SF3A1: variants seen among roughly 807,000 people sequenced by gnomAD.
SF3A1 encodes the protein SAP 114.
In SF3A1, 13 loss-of-function variants were observed where a neutral mutation model predicts 89.9. The ratio of observed to expected loss-of-function variants is 0.14; its 90% CI spans 0.09 to 0.23. The LOEUF is 0.23. SF3A1 is among the 10% of genes least tolerant of loss of function. The pLI, the probability that SF3A1 is intolerant of heterozygous loss-of-function variation, is 1.00. For missense variants in SF3A1, 604 were observed against 1,022.1 expected (o/e 0.59, Z 5.58); for synonymous variants, 405 against 374.4 (o/e 1.08, Z -0.94).
At position 30,347,804 on chromosome 22, in the gene SF3A1, G is replaced by C. The variant is rs529645454; in HGVS notation, c.186-1285C>G. 2.6e-5 allele frequency among the ~76,000 whole-genome samples: 4 copies of C among 152,306 alleles called. No individual in the cohort carries two copies. The South Asian group carries it at 8.3e-4, about 32-fold the overall frequency. On this transcript the variant is annotated intron_variant, in intron 2 of 15. Coordinates refer to ENST00000215793, the MANE Select transcript of SF3A1 (RefSeq NM_005877.6). Reference sequence around the variant, plus strand: ...CATGTGTAAAATGCAGCTAACACCAGTTTCCCTTTCTACCTTGAAACATTA... The same window carrying C: ...CATGTGTAAAATGCAGCTAACACCACTTTCCCTTTCTACCTTGAAACATTA...
chr22:30,336,947 G>A, intron 13 of SF3A1, 79 bp downstream of exon 13: 2 of 1,551,146 alleles, frequency 1.3e-6, no homozygotes, highest in Non-Finnish European at 1.8e-6. Flanking sequence ...GTGAAATAGG[G>A]TCAGTTTCGC....
At chr22:30,346,232 G>T in intron 3 of SF3A1, 80 bp downstream of exon 3, 1 of 948,944 alleles carries the variant, frequency 1.1e-6, no homozygotes, top group Non-Finnish European at 1.7e-6. Context: ...TGTGAGATTT[G>T]GAGTTAATTG....
intron 11 of SF3A1, among the ~76,000 whole-genome samples, chr22:30,338,525 A>G (rs1384121866): frequency 6.6e-6 from 1 of 150,966 alleles, no homozygotes; most frequent in African/African-American, 2.4e-5. Flanking sequence ...AACAGTCCTC[A>G]AAGACCCAAT....
intron 2 of SF3A1, among the ~76,000 whole-genome samples, chr22:30,349,718 G>T (rs901489937): frequency 3.3e-5 from 5 of 149,868 alleles, no homozygotes; most frequent in Non-Finnish European, 7.4e-5. Context: ...CCAGGCTGGA[G>T]TACGCTGGCA....
chr22:30,342,390 G>A (rs1931287024), intron 5 of SF3A1, 40 bp from the exon 6 acceptor site: 4 of 1,560,278 alleles, frequency 2.6e-6, no homozygotes, highest in African/African-American at 2.7e-5. Flanking sequence ...CGCTGAAGCA[G>A]GGTCTGCTCC....
At chr22:30,355,037 T>A (rs554398620) in intron 1 of SF3A1, among the ~76,000 whole-genome samples, 4 of 152,354 alleles carry the variant, frequency 2.6e-5, no homozygotes, top group African/African-American at 9.6e-5. Flanking sequence ...AGTACTCTTT[T>A]TTTTTTTGAG....
In SF3A1 at chr22:30,335,637, T is replaced by C. The variant is rs751906477; in HGVS notation, c.2208+15A>G. ...TTCCCATGCACCTGATGCCAGTTTC[T>C]GGCAGTACCCATACCTGGTCCGTGA... On this transcript the variant is annotated intron_variant, in intron 14 of 15. Coordinates refer to ENST00000215793, the MANE Select transcript of SF3A1 (RefSeq NM_005877.6). 1 of 1,613,628 alleles carries C rather than the reference T, an allele frequency of 6.2e-7. No individual in the cohort carries two copies. The highest frequency in any genetic ancestry group is 1.7e-5 in the Admixed American group (1 of 60,032).
At chr22:30,335,835 A>G in intron 13 of SF3A1, 82 bp from the exon 14 acceptor site, 2 of 1,138,420 alleles carry the variant, frequency 1.8e-6, no homozygotes, top group South Asian at 2.5e-5. Context: ...AGGCCTGTCC[A>G]GACAATGTCA....
At chr22:30,334,742 G>T in intron 15 of SF3A1, 47 bp from the exon 16 acceptor site, 1 of 1,323,832 alleles carries the variant, frequency 7.6e-7, no homozygotes, top group Non-Finnish European at 1.1e-6. Flanking sequence ...CCAGCCTTGG[G>T]GATACCGCTG....
chr22:30,352,871 T>C, intron 2 of SF3A1, 80 bp downstream of exon 2: 1 of 1,545,112 alleles, frequency 6.5e-7, no homozygotes, highest in Non-Finnish European at 8.8e-7. Flanking sequence ...AACGTCTCTT[T>C]AAAAACCCTT....
At chr22:30,350,010 A>T (rs1485499233) in intron 2 of SF3A1, among the ~76,000 whole-genome samples, 3 of 152,172 alleles carry the variant, frequency 2.0e-5, no homozygotes, top group Non-Finnish European at 4.4e-5. Context: ...GCACAAAATT[A>T]TTGGAAAGCT....
In SF3A1 at chr22:30,337,725, A is replaced by G; in HGVS notation, c.1916T>C (p.Met639Thr). The G allele has an allele frequency of 6.5e-7, 1 of 1,544,502 alleles. No individual in the cohort carries two copies. The highest frequency in any genetic ancestry group is 8.8e-7 in the Non-Finnish European group (1 of 1,138,508). ...VPMPPSAPPI[M>T]APRPPPMIVP... Reference sequence around the variant, plus strand: ...AATCATGGGGGGTGGGCGGGGGGCCATAATAGGAGGGGCCGAGGGAGGCAT... The same window carrying G: ...AATCATGGGGGGTGGGCGGGGGGCCGTAATAGGAGGGGCCGAGGGAGGCAT... Residue 639 changes from methionine (M) to threonine (T), a missense_variant, in exon 12 of 16, where the codon ATG becomes ACG. Physicochemically the swap from Met to Thr is moderately conservative, Grantham distance 81. Coordinates refer to ENST00000215793, the MANE Select transcript of SF3A1 (RefSeq NM_005877.6).
chr22:30,346,869 TAAAAA>T (rs368223452), intron 2 of SF3A1, among the ~76,000 whole-genome samples: 3 of 151,472 alleles, frequency 2.0e-5, no homozygotes, highest in South Asian at 2.1e-4. Context: ...CTACTTCAAA[TAAAAA>T]AAAATCAGTA....
Position 30,334,449 on chromosome 22 carries a change from C to T in SF3A1, c.*145G>A. 1 of 585,082 alleles carries T rather than the reference C, an allele frequency of 1.7e-6. No individual in the cohort carries two copies. The highest frequency in any genetic ancestry group is 3.0e-6 in the Non-Finnish European group (1 of 332,776). The allele number at this position is 585,082 out of a possible 1,614,324, so 36.2% of individuals were successfully genotyped here. ...AAAGGGTCAGGGGAATGAACCTCTGCAGGACAATTTGAATTCCCAAACTGA... is the reference window on the plus strand; with the variant it reads ...AAAGGGTCAGGGGAATGAACCTCTGTAGGACAATTTGAATTCCCAAACTGA... On this transcript the variant is annotated 3_prime_UTR_variant, in exon 16 of 16. Transcript: ENST00000215793.
Position 30,342,409 on chromosome 22 carries a change from C to T in SF3A1, c.727-59G>A, listed in dbSNP as rs1389947303. 10 of 1,530,746 alleles carry T rather than the reference C, an allele frequency of 6.5e-6. No individual in the cohort carries two copies. In the South Asian group the frequency reaches 8.3e-5, roughly 13 times the overall value. 94.8% of individuals were successfully genotyped at this position (1,530,746 alleles called of 1,614,324 possible). A position where few individuals can be genotyped will look rare whatever the true frequency, so the allele number is the denominator to read the frequency against. On this transcript the variant is annotated intron_variant, in intron 5 of 15. Transcript: ENST00000215793. ...GAAGCAGGGTCTGCTCCTGATGAGG[C>T]TACCACCTCCAGGGCTTTCATCAAA... is the stretch of plus-strand genomic sequence containing the variant.
chr22:30,337,578 C>A, intron 12 of SF3A1, 112 bp downstream of exon 12: 1 of 721,848 alleles, frequency 1.4e-6, no homozygotes, highest in Non-Finnish European at 2.5e-6. Context: ...CTCCTCTGGG[C>A]TGGATACCCT....
intron 4 of SF3A1, among the ~76,000 whole-genome samples, chr22:30,343,559 C>T (rs1931329751): frequency 1.3e-5 from 2 of 152,192 alleles, no homozygotes; most frequent in South Asian, 4.1e-4. Context: ...TCCACCTCTA[C>T]CCCAAGAATC....
chr22:30,346,221 T>C (rs1490129875), intron 3 of SF3A1, 91 bp downstream of exon 3: 2 of 867,174 alleles, frequency 2.3e-6, no homozygotes, highest in Non-Finnish European at 3.8e-6. Context: ...CCCTGGGTGG[T>C]TGTGAGATTT....
rs1931476157 is a variant in SF3A1, at chr22:30,348,170, A to C, written c.186-1651T>G. The stretch of plus-strand genomic sequence containing the variant: ...TTTTCAAATCGTACAGTGGCCTGCA[A>C]ATGCAAGGGGCTAGGAGGGGTTGTT... On this transcript the variant is annotated intron_variant, in intron 2 of 15. Coordinates refer to ENST00000215793, the MANE Select transcript of SF3A1 (RefSeq NM_005877.6). 5.3e-5 allele frequency among the ~76,000 whole-genome samples: 8 copies of C among 152,342 alleles called. 1 individual carries two copies. In the South Asian group the frequency reaches 1.7e-3, roughly 32 times the overall value.
Sources: allele counts gnomAD v4.1 joint callset (sites outside exome capture counted in the v4.1 genomes callset), GRCh38; gene constraint gnomAD v4.1.1; transcripts MANE v1.5; gene names NCBI Gene and HGNC (gene_info 2026-07-23, HGNC 2026-07-21).